ADK: variants seen among roughly 807,000 people sequenced by gnomAD.
The protein encoded by ADK is N6,N6-dimethyladenosine kinase.
ADK carries 24 observed loss-of-function variants against 44.7 expected under a neutral mutation model. That is an observed-to-expected ratio of 0.54 (90% CI 0.39 to 0.76). The LOEUF (loss-of-function observed/expected upper bound fraction) is 0.76, where lower values mean the gene tolerates loss of function less well. Among genes scored for constraint, ADK ranks in the 30% least tolerant of loss-of-function variants. ADK has a pLI of 0.00. For synonymous variants in ADK, 128 were observed against 142.6 expected (o/e 0.90, Z 0.73); for missense variants, 321 against 425.1 (o/e 0.76, Z 2.15).
chr10:74,439,413 A>G (rs1845314447), intron 6 of ADK, among the ~76,000 whole-genome samples: 1 of 152,218 alleles, frequency 6.6e-6, no homozygotes, highest in African/African-American at 2.4e-5. Context: ...GTTCAGCCCC[A>G]GAAGTATTTC....
At chr10:74,244,990 T>G (rs954221901) in intron 3 of ADK, among the ~76,000 whole-genome samples, 2 of 152,218 alleles carry the variant, frequency 1.3e-5, no homozygotes, top group Non-Finnish European at 2.9e-5. Context: ...TCCCGCTGAT[T>G]TTATTATCAC....
chr10:74,460,362 T>C (rs1404908549), intron 6 of ADK, among the ~76,000 whole-genome samples: 2 of 152,212 alleles, frequency 1.3e-5, no homozygotes, highest in Non-Finnish European at 2.9e-5. Flanking sequence ...TTTCTTGTGC[T>C]TATGAGCCTG....
chr10:74,540,969 C>T (rs1849606557), intron 7 of ADK, among the ~76,000 whole-genome samples: 1 of 151,956 alleles, frequency 6.6e-6, no homozygotes, highest in South Asian at 2.1e-4. Context: ...AAATAGGTGC[C>T]ATTGATTAGT....
At chr10:74,225,219 A>C (rs1330359100) in intron 3 of ADK, among the ~76,000 whole-genome samples, 2 of 152,170 alleles carry the variant, frequency 1.3e-5, no homozygotes, top group East Asian at 3.9e-4. Flanking sequence ...CTGGGATTAC[A>C]GGTGCCCGCC....
At chr10:74,511,710 T>C (rs1307944913) in intron 6 of ADK, among the ~76,000 whole-genome samples, 3 of 152,234 alleles carry the variant, frequency 2.0e-5, no homozygotes, top group South Asian at 2.1e-4. Context: ...GTAGAGTCTT[T>C]AGGCTTTTTA....
chr10:74,674,068 A>G (rs1031118504), intron 10 of ADK, among the ~76,000 whole-genome samples: 1 of 152,152 alleles, frequency 6.6e-6, no homozygotes, highest in Non-Finnish European at 1.5e-5. Context: ...GGAAAAGGCA[A>G]CATTTGAGCA....
chr10:74,265,367 C>T (rs889322403), intron 3 of ADK, among the ~76,000 whole-genome samples: 2 of 151,968 alleles, frequency 1.3e-5, no homozygotes, highest in Non-Finnish European at 2.9e-5. Context: ...AGGTGCGCAC[C>T]ACCACGCCCA....
intron 9 of ADK, among the ~76,000 whole-genome samples, chr10:74,660,383 C>T (rs1395347385): frequency 6.6e-6 from 1 of 152,174 alleles, no homozygotes; most frequent in East Asian, 1.9e-4. Flanking sequence ...CTGCCCATCT[C>T]AGCCTCCCAA....
chr10:74,574,238 C>T (rs1448190572), intron 7 of ADK, among the ~76,000 whole-genome samples: 1 of 150,840 alleles, frequency 6.6e-6, no homozygotes, highest in Non-Finnish European at 1.5e-5. Flanking sequence ...GCGATCTCAG[C>T]TCACCGCAAC....
At chr10:74,627,907 G>A (rs754702195) in intron 9 of ADK, among the ~76,000 whole-genome samples, 1 of 152,162 alleles carries the variant, frequency 6.6e-6, no homozygotes, top group Non-Finnish European at 1.5e-5. Context: ...AAAGTGCTCG[G>A]ATTATAGGTG....
rs536300924 is a variant in ADK, at chr10:74,543,592, T to C, written c.726+18166T>C. Among the ~76,000 whole-genome samples the C allele has an allele frequency of 3.9e-5, 6 of 152,372 alleles. No homozygotes were observed. In the East Asian group the frequency reaches 1.2e-3, roughly 29 times the overall value. ...CATATAACGTTTTGTTAGATGTTGC[T>C]AAATTCCTCTCCAAAATAATTAGAA... On this transcript the variant is annotated intron_variant, in intron 7 of 10. Transcript: ENST00000539909.
chr10:74,573,480 C>G (rs1181981672), intron 7 of ADK, among the ~76,000 whole-genome samples: 1 of 152,240 alleles, frequency 6.6e-6, no homozygotes, highest in Non-Finnish European at 1.5e-5. Context: ...AGGAGGCAGT[C>G]TGCCCGTTCT....
intron 6 of ADK, among the ~76,000 whole-genome samples, chr10:74,474,863 C>A (rs999446217): frequency 1.4e-4 from 22 of 152,212 alleles, no homozygotes; most frequent in Admixed American, 1.4e-3. Context: ...TGCGGAGGCT[C>A]ACGCCTGTAA....
chr10:74,205,826 AT>A (rs1254408652), intron 2 of ADK, among the ~76,000 whole-genome samples: 1 of 152,200 alleles, frequency 6.6e-6, no homozygotes, highest in Non-Finnish European at 1.5e-5. Flanking sequence ...ATGAAAAAAA[AT>A]AACTTAAAGC....
chr10:74,691,133 T>A (rs937177347), intron 10 of ADK, among the ~76,000 whole-genome samples: 4 of 152,148 alleles, frequency 2.6e-5, no homozygotes, highest in Non-Finnish European at 5.9e-5. Flanking sequence ...TAATCATTGG[T>A]ATAGGAGGTA....
At chr10:74,158,193 A>AG (rs1841807072) in intron 1 of ADK, among the ~76,000 whole-genome samples, 1 of 152,170 alleles carries the variant, frequency 6.6e-6, no homozygotes, top group Non-Finnish European at 1.5e-5. Flanking sequence ...TTAAAAAAAA[A>AG]CTTGTATTTT....
chr10:74,471,533 CA>C (rs1425218562), intron 6 of ADK, among the ~76,000 whole-genome samples: 3 of 151,774 alleles, frequency 2.0e-5, no homozygotes, highest in Non-Finnish European at 4.4e-5. Context: ...TCTATATCTG[CA>C]AAAAAATGTC....
intron 4 of ADK, among the ~76,000 whole-genome samples, chr10:74,375,840 G>T (rs1299005784): frequency 6.6e-6 from 1 of 152,098 alleles, no homozygotes; most frequent in Non-Finnish European, 1.5e-5. Context: ...ATAAGTGGCT[G>T]AATTTTCTAA....
At chr10:74,703,229 C>G (rs987858774) in intron 10 of ADK, among the ~76,000 whole-genome samples, 1 of 152,130 alleles carries the variant, frequency 6.6e-6, no homozygotes, top group African/African-American at 2.4e-5. Flanking sequence ...CACCTGTAAT[C>G]CCAGCACTTT....
Sources: allele counts gnomAD v4.1 joint callset (sites outside exome capture counted in the v4.1 genomes callset), GRCh38; gene constraint gnomAD v4.1.1; transcripts MANE v1.5; gene names NCBI Gene and HGNC (gene_info 2026-07-23, HGNC 2026-07-21).